Variants in FBXO27 observed in about 807,000 individuals in gnomAD.
FBXO27 encodes the protein F-box only protein 27.
FBXO27 carries 28 observed loss-of-function variants against 28.3 expected under a neutral mutation model. The observed-to-expected ratio is 0.99, with a 90% CI of 0.73 to 1.36. FBXO27 has a LOEUF of 1.36. Among genes scored for constraint, FBXO27 ranks in the 40% most tolerant of loss-of-function variants. FBXO27 has a pLI of 0.00. For missense variants in FBXO27, 388 were observed against 394.1 expected, an observed-to-expected ratio of 0.98 and a Z score of 0.13; for synonymous variants, 175 against 167.3, an observed-to-expected ratio of 1.05 and a Z score of -0.36.
At chr19:39,008,264 CAAAA>C (rs567620173) in intron 2 of FBXO27, among the ~76,000 whole-genome samples, 1 of 98,862 alleles carries the variant, frequency 1.0e-5, no homozygotes, top group Non-Finnish European at 2.1e-5. Flanking sequence ...GACTCTGTCT[CAAAA>C]AAAAAAAAAA....
chr19:39,031,686 TCCGGCA>T (rs2072904800), intron 2 of FBXO27, among the ~76,000 whole-genome samples, 172 bp downstream of exon 2: 1 of 147,704 alleles, frequency 6.8e-6, no homozygotes, highest in African/African-American at 2.5e-5. Flanking sequence ...GCCCCGCCCC[TCCGGCA>T]CCTCACACCG....
At chr19:39,011,827 CTTTTTTT>C (rs71167612) in intron 2 of FBXO27, among the ~76,000 whole-genome samples, 5 of 123,772 alleles carry the variant, frequency 4.0e-5, no homozygotes, top group Non-Finnish European at 8.1e-5. Flanking sequence ...ATTTTCTTTT[CTTTTTTT>C]TTTTTTTTTT....
In FBXO27 at chr19:39,026,924, T is replaced by C; in HGVS notation, c.654A>G (p.Lys218=). 1 of 1,614,168 alleles carries C rather than the reference T, an allele frequency of 6.2e-7. No homozygotes were observed. Among genetic ancestry groups the C allele is most frequent in the Admixed American group, 1.7e-5 (1 of 59,996 alleles). Residue 218 remains lysine (K), a synonymous_variant, in exon 5 of 6, where the codon AAA becomes AAG. Coordinates refer to ENST00000292853, the MANE Select transcript of FBXO27 (RefSeq NM_178820.5). The part of the protein sequence containing the change: ...LLDANQTVLD[K]FSAVPDPIPQ... ...GGATGGGATCAGGCACAGCAGAGAA[T>C]TTATCTAGAACAGTCTGGTTGGCGT...
chr19:39,020,501 C>T (rs566118223), downstream of FBXO27, among the ~76,000 whole-genome samples: 1 of 152,006 alleles, frequency 6.6e-6, no homozygotes, highest in African/African-American at 2.4e-5. Context: ...TCATAAGGAC[C>T]TTTAAGGCTC....
rs1430342148 is a variant in FBXO27, at chr19:39,032,105, G to A, written c.123C>T (p.Val41=). ...PELLLVVLSH[V]PPRTLLGRCR... ...AGCGCCCGAGCAGCGTGCGCGGGGG[G>A]ACGTGGCTCAGCACCACCAGAAGCA... The change falls in exon 2 of 6, where the codon GTC becomes GTT. Residue 41 remains valine (V), a synonymous_variant. Coordinates refer to ENST00000292853, the MANE Select transcript of FBXO27 (RefSeq NM_178820.5). This position sits in a 1 kb window ranked among gnomAD's most constrained non-coding sequence, Gnocchi z 4.7. 3.9e-6 allele frequency: 6 copies of A among 1,532,918 alleles called. No individual in the cohort carries two copies. The highest frequency in any genetic ancestry group is 2.9e-5 in the African/African-American group (2 of 69,194). 95.0% of individuals were successfully genotyped at this position (1,532,918 alleles called of 1,614,324 possible).
chr19:39,025,231 C>G lies in FBXO27; in HGVS notation c.*180G>C, dbSNP rs1040329276. ...CAGTAGGTAGATAAGATGGAAGAAG[C>G]TTCTTCTGGTAGTTTCTAGAACCTG... On this transcript the variant is annotated 3_prime_UTR_variant, in exon 6 of 6. Transcript: ENST00000292853. 5 of 776,730 alleles carry G rather than the reference C, an allele frequency of 6.4e-6. No individual in the cohort carries two copies. The highest frequency in any genetic ancestry group is 9.9e-6 in the Non-Finnish European group (5 of 504,996). The allele number at this position is 776,730 out of a possible 1,614,324, so 48.1% of individuals were successfully genotyped here. A position where few individuals can be genotyped will look rare whatever the true frequency, so the allele number is the denominator to read the frequency against.
intron 4 of FBXO27, chr19:39,030,738 G>A (rs1340244775): frequency 7.1e-6 from 3 of 422,116 alleles, no homozygotes; most frequent in Admixed American, 7.3e-5. Context: ...AAGTATGTGG[G>A]ACTACAGGTG....
downstream of FBXO27, among the ~76,000 whole-genome samples, chr19:39,022,347 C>T (rs1475556947): frequency 1.3e-5 from 2 of 151,702 alleles, no homozygotes; most frequent in African/African-American, 2.4e-5. Flanking sequence ...CACTATGTTG[C>T]CTAGGCTGGT....
intron 2 of FBXO27, among the ~76,000 whole-genome samples, chr19:39,008,567 G>A (rs960144462): frequency 6.6e-6 from 1 of 151,932 alleles, no homozygotes; most frequent in Non-Finnish European, 1.5e-5. Flanking sequence ...GTGGTTTTCG[G>A]TACATTCACA....
At chr19:39,019,692 G>A (rs2072836602), downstream of FBXO27, among the ~76,000 whole-genome samples, 1 of 152,060 alleles carries the variant, frequency 6.6e-6, no homozygotes, top group African/African-American at 2.4e-5. Context: ...AGGTGCCAAT[G>A]AGAAAATCAT....
chr19:39,021,938 G>T (rs1367573213), downstream of FBXO27, among the ~76,000 whole-genome samples: 4 of 152,026 alleles, frequency 2.6e-5, no homozygotes, highest in Admixed American at 6.6e-5. Flanking sequence ...TGGGATTACA[G>T]GTGTGAGCCA....
chr19:39,009,191 T>C (rs891998301), intron 2 of FBXO27, among the ~76,000 whole-genome samples: 6 of 152,246 alleles, frequency 3.9e-5, no homozygotes, highest in Admixed American at 6.5e-5. Flanking sequence ...CATTCATCAG[T>C]TGAAGGACAT....
intron 2 of FBXO27, among the ~76,000 whole-genome samples, chr19:39,008,207 G>T (rs909353674): frequency 5.3e-5 from 8 of 151,770 alleles, no homozygotes; most frequent in African/African-American, 1.9e-4. Context: ...AGAGGTTGCA[G>T]TGAGCGGAGA....
At position 39,011,443 on chromosome 19, in the gene FBXO27, T is replaced by G. The variant is rs528613627; in HGVS notation, c.252+2944A>C. Among the ~76,000 whole-genome samples, 4 of 152,238 alleles carry G rather than the reference T, an allele frequency of 2.6e-5. No individual in the cohort carries two copies. The South Asian group carries it at 8.3e-4, about 32-fold the overall frequency. On this transcript the variant is annotated intron_variant, in intron 2 of 2. Coordinates refer to the FBXO27 transcript ENST00000598394. ...CGAAACTCTCTCTCTCAAAACAATT[T>G]TTTTTTGATAGGCATTGCAACTGAA...
rs1459507209 is a variant in FBXO27, at chr19:39,032,115, A to G, written c.113T>C (p.Leu38Pro). 6.5e-7 allele frequency: 1 copy of G among 1,534,424 alleles called. No individual in the cohort carries two copies. The highest frequency in any genetic ancestry group is 8.7e-7 in the Non-Finnish European group (1 of 1,148,602). The change falls in exon 2 of 6, where the codon CTG becomes CCG. Residue 38 changes from leucine to proline, a missense_variant. Coordinates refer to ENST00000292853, the MANE Select transcript of FBXO27 (RefSeq NM_178820.5). This position sits in a 1 kb window ranked among gnomAD's most constrained non-coding sequence, Gnocchi z 4.7. Reference protein sequence around the residue: ...QLPPELLLVVLSHVPPRTLLG... With the variant: ...QLPPELLLVVPSHVPPRTLLG... Reference sequence around the variant, plus strand: ...CAGCGTGCGCGGGGGGACGTGGCTCAGCACCACCAGAAGCAGCTCTGGGGG... The same window carrying G: ...CAGCGTGCGCGGGGGGACGTGGCTCGGCACCACCAGAAGCAGCTCTGGGGG...
intron 1 of FBXO27, chr19:39,014,560 A>AT (rs1431880229): frequency 3.3e-5 from 5 of 152,306 alleles, no homozygotes; most frequent in Admixed American, 2.6e-4. Flanking sequence ...ACAAAAAAAA[A>AT]GAAAAAAAAA....
chr19:39,020,923 C>G (rs1162133102), downstream of FBXO27, among the ~76,000 whole-genome samples: 1 of 151,800 alleles, frequency 6.6e-6, no homozygotes, highest in African/African-American at 2.4e-5. Flanking sequence ...AGCAAAATCT[C>G]AGCTCACTGC....
chr19:39,023,608 T>C (rs1394745809), downstream of FBXO27, among the ~76,000 whole-genome samples: 2 of 125,298 alleles, frequency 1.6e-5, no homozygotes, highest in African/African-American at 5.8e-5. Context: ...GCTGGACCTA[T>C]TGTCTTTTTT....
chr19:39,030,969 A>C (rs1335893925), intron 4 of FBXO27, 60 bp downstream of exon 4: 1 of 1,432,640 alleles, frequency 7.0e-7, no homozygotes, highest in Non-Finnish European at 9.8e-7. Flanking sequence ...TCACCCATAA[A>C]AAGGCCATGT....
Sources: allele counts gnomAD v4.1 joint callset (sites outside exome capture counted in the v4.1 genomes callset), GRCh38; gene constraint gnomAD v4.1.1; non-coding constraint Gnocchi (gnomAD v3.1); transcripts MANE v1.5; gene names NCBI Gene and HGNC (gene_info 2026-07-23, HGNC 2026-07-21).